DYNC2H1: variants seen among roughly 807,000 people sequenced by gnomAD.
DYNC2H1 encodes the protein cytoplasmic dynein 2 heavy chain 1.
A neutral mutation model predicts 570.0 loss-of-function variants in DYNC2H1; 410 were observed. The observed-to-expected ratio is 0.72, with a 90% confidence interval of 0.66 to 0.78. DYNC2H1 has a LOEUF of 0.78. Among genes scored for constraint, DYNC2H1 ranks in the 30% least tolerant of loss-of-function variants. The pLI is 0.00. For synonymous variants in DYNC2H1, 1,688 were observed against 1,677.6 expected, an observed-to-expected ratio of 1.01 and a Z score of -0.15; for missense variants, 4,865 against 5,046.4, an observed-to-expected ratio of 0.96 and a Z score of 1.09.
chr11:103,378,090 TTAA>T (rs1198433800), intron 83 of DYNC2H1, among the ~76,000 whole-genome samples: 1 of 151,750 alleles, frequency 6.6e-6, no homozygotes, highest in East Asian at 1.9e-4. Flanking sequence ...GTCCAAAAAG[TTAA>T]TTTAACATCA....
chr11:103,244,577 CTATA>C lies in DYNC2H1; in HGVS notation c.9919-670_9919-667del, dbSNP rs1054326882. Among the ~76,000 whole-genome samples the C allele has an allele frequency of 3.4e-5, 5 of 148,744 alleles. No individual in the cohort carries two copies. Among genetic ancestry groups the C allele is most frequent in the East Asian group, 1.9e-4 (1 of 5,134 alleles). On this transcript the variant is annotated intron_variant, in intron 64 of 88. Transcript: ENST00000375735. The surrounding 1 kb of genome is among the most constrained non-coding windows in gnomAD (Gnocchi z 4.3). The stretch of plus-strand genomic sequence containing the variant: ...TTATGGTTTGCAATATTATATATAA[CTATA>C]TATGCAAATCATTTATGGTTTGCAA...
Position 103,254,063 on chromosome 11 carries a change from A to G in DYNC2H1, c.10206+615A>G, listed in dbSNP as rs965307251. On this transcript the variant is annotated intron_variant, in intron 66 of 88. Coordinates refer to ENST00000375735, the MANE Select transcript of DYNC2H1 (RefSeq NM_001377.3). This position sits in a 1 kb window ranked among gnomAD's most constrained non-coding sequence, Gnocchi z 4.9. ...CATCTAACAATAGTAGATTTTTTTC[A>G]TCTTTTGATTTATATGATAGCATAC... is the stretch of plus-strand genomic sequence containing the variant. 2.6e-5 allele frequency among the ~76,000 whole-genome samples: 4 copies of G among 151,912 alleles called. No homozygotes were observed. The highest frequency in any genetic ancestry group is 6.6e-5 in the Admixed American group (1 of 15,258).
intron 82 of DYNC2H1, among the ~76,000 whole-genome samples, chr11:103,350,296 G>A (rs546670318): frequency 5.3e-5 from 8 of 151,802 alleles, no homozygotes; most frequent in Non-Finnish European, 1.2e-4. Flanking sequence ...GATACATATT[G>A]TAAATATAAA....
In DYNC2H1 at chr11:103,184,169, A is replaced by G. The variant is rs561147953; in HGVS notation, c.6478-727A>G. The stretch of plus-strand genomic sequence containing the variant: ...AATCTGAGTTACTGTTTCCCACAAC[A>G]TTCTGTACTGCTGTAGCTCTTACCA... On this transcript the variant is annotated intron_variant, in intron 40 of 88. Transcript: ENST00000375735. Among the ~76,000 whole-genome samples the G allele has an allele frequency of 9.9e-5, 15 of 152,048 alleles. No individual in the cohort carries two copies. The East Asian group carries it at 2.5e-3, about 25-fold the overall frequency.
chr11:103,413,792 A>G (rs1459367467), intron 84 of DYNC2H1, among the ~76,000 whole-genome samples: 1 of 152,176 alleles, frequency 6.6e-6, no homozygotes, highest in African/African-American at 2.4e-5. Flanking sequence ...AAGGGAAAAA[A>G]GGGGCCTGCA....
At position 103,289,545 on chromosome 11, in the gene DYNC2H1, G is replaced by C. The variant is rs543592120; in HGVS notation, c.11095+1940G>C. ...GGAGGCTGACGGGGGAGGATTGCTT[G>C]AGCCCAGTAGTTTGAGACCAGCCTG... On this transcript the variant is annotated intron_variant, in intron 75 of 88. Transcript: ENST00000375735. This position sits in a 1 kb window ranked among gnomAD's most constrained non-coding sequence, Gnocchi z 4.2. 2.8e-4 allele frequency among the ~76,000 whole-genome samples: 42 copies of C among 152,070 alleles called. No individual in the cohort carries two copies. The highest frequency in any genetic ancestry group is 5.0e-4 in the Non-Finnish European group (34 of 68,024).
In DYNC2H1 at chr11:103,209,397, A is replaced by G. The variant is rs941068792; in HGVS notation, c.8455-479A>G. ...TTACAGTAGTGGCAAAATTCCAGTC[A>G]CAGTGAGAATATACTTTTTAGAATG... On this transcript the variant is annotated intron_variant, in intron 52 of 88. Coordinates refer to ENST00000375735, the MANE Select transcript of DYNC2H1 (RefSeq NM_001377.3). This position sits in a 1 kb window ranked among gnomAD's most constrained non-coding sequence, Gnocchi z 4.2. Among the ~76,000 whole-genome samples, 6 of 152,036 alleles carry G rather than the reference A, an allele frequency of 3.9e-5. No individual in the cohort carries two copies. Among genetic ancestry groups the G allele is most frequent in the Non-Finnish European group, 8.8e-5 (6 of 67,936 alleles).
At chr11:103,269,915 C>A (rs1865636620) in intron 70 of DYNC2H1, among the ~76,000 whole-genome samples, 1 of 151,960 alleles carries the variant, frequency 6.6e-6, no homozygotes, top group East Asian at 1.9e-4. Context: ...ATGGTTGGAG[C>A]TGGGTGCGGT....
Position 103,268,483 on chromosome 11 carries a change from A to C in DYNC2H1, c.10695+8506A>C, listed in dbSNP as rs942010260. ...ACTTAATTTATACTTCTAGGTTGTT[A>C]GATTTGTATGAGTAGTTTTTTTAAA... is the stretch of plus-strand genomic sequence containing the variant. On this transcript the variant is annotated intron_variant, in intron 70 of 88. Transcript: ENST00000375735. The surrounding 1 kb of genome is among the most constrained non-coding windows in gnomAD (Gnocchi z 4.6). Among the ~76,000 whole-genome samples, 2 of 151,894 alleles carry C rather than the reference A, an allele frequency of 1.3e-5. No individual in the cohort carries two copies. The highest frequency in any genetic ancestry group is 2.9e-5 in the Non-Finnish European group (2 of 67,870).
At position 103,395,484 on chromosome 11, in the gene DYNC2H1, T is replaced by C. The variant is rs1377161875; in HGVS notation, c.12157-4179T>C. On this transcript the variant is annotated intron_variant, in intron 83 of 88. Transcript: ENST00000375735. This position sits in a 1 kb window ranked among gnomAD's most constrained non-coding sequence, Gnocchi z 4.3. ...TACATATATATCATATATATATTTA[T>C]GTATATGTACACACACACACACACA... Among the ~76,000 whole-genome samples, 1 of 106,764 alleles carries C rather than the reference T, an allele frequency of 9.4e-6. No individual in the cohort carries two copies. Among genetic ancestry groups the C allele is most frequent in the Non-Finnish European group, 2.1e-5 (1 of 47,664 alleles). The allele number at this position is 106,764 out of a possible 152,430, so 70.0% of individuals were successfully genotyped here.
chr11:103,214,964 T>C (rs904937473), intron 54 of DYNC2H1, among the ~76,000 whole-genome samples: 8 of 152,116 alleles, frequency 5.3e-5, no homozygotes, highest in African/African-American at 1.9e-4. Flanking sequence ...TCATTATTGA[T>C]GTATAGAAAC....
intron 61 of DYNC2H1, among the ~76,000 whole-genome samples, chr11:103,234,374 C>T (rs976040007): frequency 9.2e-5 from 14 of 151,916 alleles, no homozygotes; most frequent in African/African-American, 3.4e-4. Flanking sequence ...ATTTTCCTTT[C>T]AGTTCCGTAT....
At chr11:103,132,478 A>G (rs1310536905) in intron 13 of DYNC2H1, among the ~76,000 whole-genome samples, 1 of 151,994 alleles carries the variant, frequency 6.6e-6, no homozygotes, top group East Asian at 1.9e-4. Context: ...GATTCATTTC[A>G]GTGTTCACAT....
chr11:103,461,575 C>A lies in DYNC2H1; in HGVS notation c.12648+5219C>A, dbSNP rs538668089. 6.6e-6 allele frequency among the ~76,000 whole-genome samples: 1 copy of A among 152,174 alleles called. No individual in the cohort carries two copies. Among genetic ancestry groups the A allele is most frequent in the South Asian group, 2.1e-4 (1 of 4,832 alleles). On this transcript the variant is annotated intron_variant, in intron 87 of 88. Transcript: ENST00000375735. The surrounding 1 kb of genome is among the most constrained non-coding windows in gnomAD (Gnocchi z 4.8). Reference sequence around the variant, plus strand: ...TTCCTCCAAGGCTGAGAGAGGATTGCCCTAGCAACACTTCGAGTGCTCAGT... The same window carrying A: ...TTCCTCCAAGGCTGAGAGAGGATTGACCTAGCAACACTTCGAGTGCTCAGT...
In DYNC2H1 at chr11:103,234,104, GC is replaced by G; in HGVS notation, c.9512del (p.Ala3171ValfsTer5). On this transcript the variant is annotated frameshift_variant, in exon 61 of 89. Transcript: ENST00000375735. LOFTEE classifies it high-confidence loss of function. ...AAGCAAGGCACAAGAAACAATCAAAGCTGCAGAAGTCTTAATTAATCAGCTT... is the reference window on the plus strand; with the variant it reads ...AAGCAAGGCACAAGAAACAATCAAAGTGCAGAAGTCTTAATTAATCAGCTT... ...EVSKAQETIKAAEVLINQLDR... is the reference protein window; with the variant it reads ...EVSKAQETIKXAEVLINQLDR... The G allele has an allele frequency of 6.4e-7, 1 of 1,573,222 alleles. No homozygotes were observed. The highest frequency in any genetic ancestry group is 8.6e-7 in the Non-Finnish European group (1 of 1,157,944).
Position 103,179,079 on chromosome 11 carries a change from T to C in DYNC2H1, c.6193T>C (p.Ser2065Pro). The C allele has an allele frequency of 6.2e-7, 1 of 1,612,700 alleles. No individual in the cohort carries two copies. The highest frequency in any genetic ancestry group is 8.5e-7 in the Non-Finnish European group (1 of 1,179,042). The change falls in exon 39 of 89, where the codon TCT (serine) becomes CCT (proline). Residue 2065 changes from serine to proline, a missense_variant. Coordinates refer to ENST00000375735, the MANE Select transcript of DYNC2H1 (RefSeq NM_001377.3). ...DGDIDPEWIE[S>P]LNSVLDDNRL... is the part of the protein sequence containing the mutation. Reference sequence around the variant, plus strand: ...TGATATTGACCCTGAATGGATAGAATCTCTGAATTCTGTTCTGGATGATAA... The same window carrying C: ...TGATATTGACCCTGAATGGATAGAACCTCTGAATTCTGTTCTGGATGATAA...
chr11:103,270,287 G>C (rs1431051740), intron 70 of DYNC2H1, among the ~76,000 whole-genome samples: 1 of 151,790 alleles, frequency 6.6e-6, no homozygotes, highest in Non-Finnish European at 1.5e-5. Context: ...ATCTATGGGG[G>C]ATACAATCCA....
chr11:103,186,429 A>T lies in DYNC2H1; in HGVS notation c.6821A>T (p.Tyr2274Phe). The T allele has an allele frequency of 6.2e-7, 1 of 1,612,728 alleles. No homozygotes were observed. The highest frequency in any genetic ancestry group is 8.5e-7 in the Non-Finnish European group (1 of 1,179,158). The change falls in exon 42 of 89, where the codon TAT becomes TTT. Residue 2274 changes from tyrosine (Y) to phenylalanine (F), a missense_variant. Around this residue, in one of 5 missense-constraint regions of DYNC2H1, gnomAD observed 2,401 missense variants for 2,454.6 expected, o/e 0.98. Transcript: ENST00000375735. The surrounding 1 kb of genome is among the most constrained non-coding windows in gnomAD (Gnocchi z 4.5). ...CCTGACATGCAACGAGGTCTAGATTATTTCAAACCATGGTTAAGTTCTGAT... is the reference window on the plus strand; with the variant it reads ...CCTGACATGCAACGAGGTCTAGATTTTTTCAAACCATGGTTAAGTTCTGAT... ...QTPDMQRGLD[Y>F]FKPWLSSDTK...
intron 84 of DYNC2H1, chr11:103,402,419 A>G (rs1942680861): frequency 6.6e-6 from 1 of 152,130 alleles, no homozygotes; most frequent in South Asian, 2.1e-4. Context: ...TCACGTCATC[A>G]TTGGTATACA....
Sources: gnomAD v4.1 joint callset for allele counts (sites outside exome capture counted in the v4.1 genomes callset) on GRCh38, gnomAD v4.1.1 for gene constraint, gnomAD v4.1.1 regional missense constraint, Gnocchi (gnomAD v3.1) non-coding constraint, MANE v1.5 for transcripts, NCBI Gene and HGNC (gene_info 2026-07-23, HGNC 2026-07-21) for gene names.